Variants in MAP4K3 observed in about 807,000 individuals in gnomAD.
MAP4K3 encodes mitogen-activated protein kinase kinase kinase kinase 3, also known as MAPK/ERK kinase kinase kinase 3.
MAP4K3 carries 94 observed loss-of-function variants against 143.5 expected under a neutral mutation model. The observed-to-expected ratio is 0.65, with a 90% CI of 0.55 to 0.78. The LOEUF (loss-of-function observed/expected upper bound fraction) is 0.78. Among genes scored for constraint, MAP4K3 ranks in the 30% least tolerant of loss-of-function variants. The pLI, the probability that MAP4K3 is intolerant of heterozygous loss-of-function variation, is 0.00. For missense variants in MAP4K3, 1,077 were observed against 1,068.1 expected (o/e 1.01, Z -0.12); for synonymous variants, 416 against 347.2 (o/e 1.20, Z -2.20).
At position 39,292,824 on chromosome 2, in the gene MAP4K3, C is replaced by A; in HGVS notation, c.1220G>T (p.Gly407Val). The change falls in exon 18 of 34, where the codon GGA becomes GTA. Residue 407 changes from glycine to valine, a missense_variant and splice_region_variant. By Grantham distance (109) the Gly-to-Val change is moderately radical. Coordinates refer to ENST00000263881, the MANE Select transcript of MAP4K3 (RefSeq NM_003618.4). ...KSVEEELHQRGHVAHLEDDEG... is the reference protein window; with the variant it reads ...KSVEEELHQRVHVAHLEDDEG... ...ATCATCTTCTAAATGTGCGACGTGT[C>A]CTCTAAATAAAAAGGATAATGTCAT... 1 of 1,611,310 alleles carries A rather than the reference C, an allele frequency of 6.2e-7. No individual in the cohort carries two copies. The highest frequency in any genetic ancestry group is 1.1e-5 in the South Asian group (1 of 90,982).
Position 39,315,643 on chromosome 2 carries a change from T to C in MAP4K3, c.919-255A>G, listed in dbSNP as rs1683091963. 19 of 412,872 alleles carry C rather than the reference T, an allele frequency of 4.6e-5. 1 individual carries two copies. The South Asian group carries it at 5.6e-4, about 12-fold the overall frequency. 25.6% of individuals were successfully genotyped at this position (412,872 alleles called of 1,614,324 possible). On this transcript the variant is annotated intron_variant, in intron 12 of 33. Transcript: ENST00000263881. Reference sequence around the variant, plus strand: ...GGGCACTTCTTTGGCTAAATACATATGAAATTAAACACAATTAGTAACATA... The same window carrying C: ...GGGCACTTCTTTGGCTAAATACATACGAAATTAAACACAATTAGTAACATA...
intron 1 of MAP4K3, among the ~76,000 whole-genome samples, chr2:39,435,824 G>C (rs1350367336): frequency 1.3e-5 from 2 of 152,188 alleles, no homozygotes; most frequent in African/African-American, 4.8e-5. Context: ...GTGAAAAGTA[G>C]ATCATCCAGA....
chr2:39,333,848 T>A (rs970965605), intron 6 of MAP4K3, among the ~76,000 whole-genome samples: 1 of 152,176 alleles, frequency 6.6e-6, no homozygotes, highest in African/African-American at 2.4e-5. Flanking sequence ...TTAGTTTTCA[T>A]CAAAATGTTA....
Position 39,417,218 on chromosome 2 carries a change from T to TG in MAP4K3, c.96+19673_96+19674insC, listed in dbSNP as rs1290004783. On this transcript the variant is annotated intron_variant, in intron 1 of 33. Coordinates refer to ENST00000263881, the MANE Select transcript of MAP4K3 (RefSeq NM_003618.4). The stretch of plus-strand genomic sequence containing the variant: ...CAGTGAAAGCCAGGTTTCTTTTCTT[T>TG]TTTTTTTTTTTTTGTGTGTGAGACA... 2.0e-5 allele frequency among the ~76,000 whole-genome samples: 3 copies of TG among 149,304 alleles called. No homozygotes were observed. In the East Asian group the frequency reaches 5.8e-4, roughly 29 times the overall value.
chr2:39,281,333 C>T (rs562573515), intron 22 of MAP4K3, among the ~76,000 whole-genome samples: 1 of 152,194 alleles, frequency 6.6e-6, no homozygotes, highest in Non-Finnish European at 1.5e-5. Flanking sequence ...CTTAAAATTT[C>T]CCTTTTAATG....
intron 1 of MAP4K3, among the ~76,000 whole-genome samples, chr2:39,427,169 T>C (rs1309266160): frequency 6.6e-6 from 1 of 151,720 alleles, no homozygotes; most frequent in East Asian, 1.9e-4. Context: ...CAACAAAAGA[T>C]CTTCAAAGTG....
Position 39,265,326 on chromosome 2 carries a change from A to G in MAP4K3, c.2033-20T>C. ...TTCTTACTGTCAAAGCAAAAATATA[A>G]ATGAGTTCTCTTATAAAACAAAGTC... On this transcript the variant is annotated intron_variant, in intron 27 of 33. Coordinates refer to ENST00000263881, the MANE Select transcript of MAP4K3 (RefSeq NM_003618.4). 7.1e-7 allele frequency: 1 copy of G among 1,399,658 alleles called. No homozygotes were observed. Among genetic ancestry groups the G allele is most frequent in the Non-Finnish European group, 1.0e-6 (1 of 985,864 alleles). The allele number at this position is 1,399,658 out of a possible 1,614,324, so 86.7% of individuals were successfully genotyped here.
Position 39,436,891 on chromosome 2 carries a change from C to A in MAP4K3, c.96+1G>T. The A allele has an allele frequency of 6.2e-7, 1 of 1,608,764 alleles. No individual in the cohort carries two copies. The highest frequency in any genetic ancestry group is 8.5e-7 in the Non-Finnish European group (1 of 1,178,182). On this transcript the variant is annotated splice_donor_variant, in intron 1 of 33. Coordinates refer to ENST00000263881, the MANE Select transcript of MAP4K3 (RefSeq NM_003618.4). LOFTEE classifies it high-confidence loss of function. ...CGGCGGCGCGCGGCCCCTGCCTTTA[C>A]CTTGTAGACGTCGCCGTAGGTGCCG...
chr2:39,435,700 G>C (rs977689280), intron 1 of MAP4K3, among the ~76,000 whole-genome samples: 4 of 152,332 alleles, frequency 2.6e-5, no homozygotes, highest in African/African-American at 9.6e-5. Flanking sequence ...TTGGAACCAA[G>C]TCTATCGTTT....
At chr2:39,396,123 T>A (rs895672480) in intron 1 of MAP4K3, among the ~76,000 whole-genome samples, 2 of 152,128 alleles carry the variant, frequency 1.3e-5, no homozygotes, top group Non-Finnish European at 2.9e-5. Context: ...TGCAGCCTCT[T>A]AACTCCTGGG....
intron 1 of MAP4K3, among the ~76,000 whole-genome samples, chr2:39,418,545 G>T (rs1667455808): frequency 6.6e-6 from 1 of 152,060 alleles, no homozygotes; most frequent in African/African-American, 2.4e-5. Flanking sequence ...TGGAAAAGTG[G>T]GGAAAAGTAG....
intron 28 of MAP4K3, among the ~76,000 whole-genome samples, chr2:39,261,364 C>T (rs1030869568): frequency 3.9e-5 from 6 of 152,084 alleles, no homozygotes; most frequent in African/African-American, 1.4e-4. Flanking sequence ...AATAAATTCA[C>T]ATTCTGAAGG....
chr2:39,349,636 G>C (rs1436697046), intron 3 of MAP4K3, among the ~76,000 whole-genome samples: 1 of 151,908 alleles, frequency 6.6e-6, no homozygotes. Flanking sequence ...AGAGGAGGGA[G>C]AAGGGAAGAG....
At chr2:39,318,315 A>C (rs147491332) in intron 12 of MAP4K3, among the ~76,000 whole-genome samples, 65 of 152,272 alleles carry the variant, frequency 4.3e-4, no homozygotes, top group Admixed American at 7.9e-4. Context: ...GTGACAAAAG[A>C]ATATGTACAT....
At chr2:39,264,663 T>A (rs1323854120) in intron 28 of MAP4K3, among the ~76,000 whole-genome samples, 1 of 152,198 alleles carries the variant, frequency 6.6e-6, no homozygotes, top group Non-Finnish European at 1.5e-5. Context: ...CTTCACACAT[T>A]TTAAAAGTTA....
intron 1 of MAP4K3, among the ~76,000 whole-genome samples, chr2:39,410,380 T>G (rs1232653603): frequency 6.6e-6 from 1 of 152,186 alleles, no homozygotes; most frequent in Non-Finnish European, 1.5e-5. Context: ...CCTAGAAAAT[T>G]AGAGCAATAA....
chr2:39,285,432 C>A (rs1681730322), intron 21 of MAP4K3, among the ~76,000 whole-genome samples: 1 of 152,152 alleles, frequency 6.6e-6, no homozygotes, highest in South Asian at 2.1e-4. Context: ...TACTGTGTTA[C>A]AGTCACTCAG....
intron 1 of MAP4K3, among the ~76,000 whole-genome samples, chr2:39,385,592 A>ATATATT (rs1170221593): frequency 1.7e-5 from 2 of 118,804 alleles, no homozygotes; most frequent in South Asian, 2.7e-4. Flanking sequence ...ATATATATAT[A>ATATATT]TTCTATATAT....
At chr2:39,395,899 C>T (rs991586219) in intron 1 of MAP4K3, among the ~76,000 whole-genome samples, 6 of 151,248 alleles carry the variant, frequency 4.0e-5, no homozygotes, top group African/African-American at 1.5e-4. Flanking sequence ...CTGAAAGCTT[C>T]AGTATACAAA....
Sources: gnomAD v4.1 joint callset for allele counts (sites outside exome capture counted in the v4.1 genomes callset) on GRCh38, gnomAD v4.1.1 for gene constraint, MANE v1.5 for transcripts, NCBI Gene and HGNC (gene_info 2026-07-23, HGNC 2026-07-21) for gene names.